The following RIMS1 variants were observed in gnomAD, a reference collection of about 807,000 sequenced individuals.
RIMS1 encodes regulating synaptic membrane exocytosis protein 1.
A neutral mutation model predicts 214.1 loss-of-function variants in RIMS1; 83 were observed. That is an observed-to-expected ratio of 0.39 (90% confidence interval 0.32 to 0.47). RIMS1 has a LOEUF of 0.47. Ranked by LOEUF, RIMS1 falls within the 20% of genes least tolerant of loss-of-function variation. RIMS1 has a pLI of 0.99. For missense variants in RIMS1, 2,050 were observed against 2,161.8 expected (o/e 0.95, Z 1.03); for synonymous variants, 793 against 786.8 (o/e 1.01, Z -0.13).
intron 28 of RIMS1, among the ~76,000 whole-genome samples, chr6:72,319,551 A>G (rs2154308785): frequency 6.6e-6 from 1 of 152,294 alleles, no homozygotes; most frequent in African/African-American, 2.4e-5. Context: ...GCCCTTAAAG[A>G]CTGCTTTTGA....
At chr6:72,122,341 A>G (rs1177963232) in intron 4 of RIMS1, among the ~76,000 whole-genome samples, 2 of 150,826 alleles carry the variant, frequency 1.3e-5, no homozygotes, top group African/African-American at 4.9e-5. Context: ...AGTAGCTGGG[A>G]CTACAGGTGC....
chr6:72,015,396 G>C (rs1812354676), intron 2 of RIMS1, among the ~76,000 whole-genome samples: 1 of 152,136 alleles, frequency 6.6e-6, no homozygotes, highest in Non-Finnish European at 1.5e-5. Context: ...CACCCTTGCT[G>C]AGCTTGTTTA....
rs1205986200 is a variant in RIMS1 at position 72,004,525 on chromosome 6, G to A, written c.245+35462G>A. 4.0e-4 allele frequency among the ~76,000 whole-genome samples: 61 copies of A among 151,076 alleles called. No individual in the cohort carries two copies. The East Asian group carries it at 0.012, about 29-fold the overall frequency. ...TTCCTATTTCTCCACATCCTCTCCA[G>A]CACCTGTTGTTTCCTGACTTTTTAA... On this transcript the variant is annotated intron_variant, in intron 2 of 33. Coordinates refer to ENST00000521978, the MANE Select transcript of RIMS1 (RefSeq NM_014989.7).
intron 1 of RIMS1, among the ~76,000 whole-genome samples, chr6:71,896,052 T>A (rs1771656659): frequency 6.6e-6 from 1 of 152,162 alleles, no homozygotes; most frequent in African/African-American, 2.4e-5. Flanking sequence ...CCCCTTTGTT[T>A]CTGGGAAAAA....
intron 26 of RIMS1, 44 bp from the exon 27 acceptor site, chr6:72,307,214 G>T (rs777382185): frequency 1.4e-5 from 18 of 1,271,508 alleles, no homozygotes; most frequent in Non-Finnish European, 2.0e-5. Flanking sequence ...TTCCTGAAAG[G>T]TTCTTCACAT....
At position 71,887,193 on chromosome 6, in the gene RIMS1, C is replaced by A; in HGVS notation, c.164+6C>A. 1 of 1,598,738 alleles carries A rather than the reference C, an allele frequency of 6.3e-7. No individual in the cohort carries two copies. Among genetic ancestry groups the A allele is most frequent in the Non-Finnish European group, 8.5e-7 (1 of 1,173,178 alleles). ...AAAGAAGAAGCCATGCTCAAGTAAG[C>A]CAGCCCCAGCCGCGCCATCCATGCC... On this transcript the variant is annotated splice_donor_region_variant and intron_variant, in intron 1 of 33. Coordinates refer to ENST00000521978, the MANE Select transcript of RIMS1 (RefSeq NM_014989.7).
intron 6 of RIMS1, among the ~76,000 whole-genome samples, chr6:72,207,720 A>T (rs1470942703): frequency 6.6e-6 from 1 of 152,198 alleles, no homozygotes; most frequent in Non-Finnish European, 1.5e-5. Flanking sequence ...TTACACTAAC[A>T]TTGCTGCCAA....
At chr6:72,185,808 C>T (rs2049016017) in intron 6 of RIMS1, among the ~76,000 whole-genome samples, 2 of 152,202 alleles carry the variant, frequency 1.3e-5, no homozygotes, top group South Asian at 4.1e-4. Context: ...GTGTGCCTGC[C>T]TCTTCTGCTT....
intron 2 of RIMS1, among the ~76,000 whole-genome samples, chr6:72,059,492 G>A (rs1827272335): frequency 6.6e-6 from 1 of 152,134 alleles, no homozygotes; most frequent in South Asian, 2.1e-4. Context: ...GCCTCCCAAA[G>A]TGCTGGAATT....
intron 28 of RIMS1, chr6:72,316,718 C>A: frequency 3.1e-6 from 2 of 646,816 alleles, no homozygotes; most frequent in South Asian, 2.8e-5. Flanking sequence ...GTGTCTAGAT[C>A]CCAGAGCAGC....
At chr6:72,000,114 A>T (rs1804688003) in intron 2 of RIMS1, among the ~76,000 whole-genome samples, 2 of 152,100 alleles carry the variant, frequency 1.3e-5, no homozygotes, top group African/African-American at 4.8e-5. Flanking sequence ...AAACAGTGTA[A>T]ACTTACAATT....
At chr6:72,214,546 G>T (rs1024085524) in intron 6 of RIMS1, among the ~76,000 whole-genome samples, 1 of 152,102 alleles carries the variant, frequency 6.6e-6, no homozygotes, top group African/African-American at 2.4e-5. Context: ...CATTCAAAAT[G>T]ACTTTATAAT....
chr6:72,280,003 G>A (rs1326372744), intron 23 of RIMS1, among the ~76,000 whole-genome samples: 4 of 151,726 alleles, frequency 2.6e-5, no homozygotes, highest in African/African-American at 4.8e-5. Context: ...TTGTATTTAA[G>A]TATTTTATAT....
At chr6:72,291,887 A>G in intron 25 of RIMS1, 47 bp from the exon 26 acceptor site, 13 of 1,390,294 alleles carry the variant, frequency 9.4e-6, no homozygotes, top group Non-Finnish European at 1.3e-5. Context: ...TTGTCAGACC[A>G]CATTGGAATT....
chr6:72,196,878 C>T (rs1183003852), intron 6 of RIMS1, among the ~76,000 whole-genome samples: 3 of 151,782 alleles, frequency 2.0e-5, no homozygotes, highest in African/African-American at 7.3e-5. Context: ...GGCTCAGAGA[C>T]ATCAGATTCA....
chr6:71,917,189 G>A (rs1778676730), intron 1 of RIMS1, among the ~76,000 whole-genome samples: 1 of 152,098 alleles, frequency 6.6e-6, no homozygotes, highest in Admixed American at 6.6e-5. Context: ...TTAAAACAGT[G>A]CCTGTCACAT....
chr6:72,348,530 T>C (rs1355471125), intron 29 of RIMS1, among the ~76,000 whole-genome samples: 1 of 151,996 alleles, frequency 6.6e-6, no homozygotes. Flanking sequence ...TTATTGCTTT[T>C]AAATATTAAC....
chr6:72,005,664 G>A (rs1027453363), intron 2 of RIMS1, among the ~76,000 whole-genome samples: 2 of 152,164 alleles, frequency 1.3e-5, no homozygotes, highest in African/African-American at 2.4e-5. Context: ...GAATTCAAAG[G>A]CCTGTTGTGC....
At chr6:72,076,948 T>A (rs1328702961) in intron 2 of RIMS1, among the ~76,000 whole-genome samples, 1 of 152,164 alleles carries the variant, frequency 6.6e-6, no homozygotes, top group East Asian at 1.9e-4. Context: ...TGACCTCCCA[T>A]TCCGCTTAGA....
Sources: allele counts gnomAD v4.1 joint callset (sites outside exome capture counted in the v4.1 genomes callset), GRCh38; gene constraint gnomAD v4.1.1; transcripts MANE v1.5; gene names NCBI Gene and HGNC (gene_info 2026-07-23, HGNC 2026-07-21).